Variants in TSC22D1 observed in about 807,000 individuals in gnomAD.
TSC22D1 encodes TSC22 domain family protein 1.
In TSC22D1, 9 loss-of-function variants were observed where a neutral mutation model predicts 74.2. That is an observed-to-expected ratio of 0.12 (90% CI 0.07 to 0.21). TSC22D1 has a LOEUF of 0.21. Ranked by LOEUF, TSC22D1 falls within the 10% of genes least tolerant of loss-of-function variation. The pLI, the probability that TSC22D1 is intolerant of heterozygous loss-of-function variation, is 1.00. For synonymous variants in TSC22D1, 586 were observed against 492.5 expected (o/e 1.19, Z -2.51); for missense variants, 1,427 against 1,304.7 (o/e 1.09, Z -1.44).
At chr13:44,445,328 C>CAAAA (rs34720179) in intron 1 of TSC22D1, among the ~76,000 whole-genome samples, 4 of 141,758 alleles carry the variant, frequency 2.8e-5, no homozygotes, top group Non-Finnish European at 4.6e-5. Flanking sequence ...GGAACAACTG[C>CAAAA]AAAAAAAAAA....
In TSC22D1 at chr13:44,439,443, G is replaced by A. The variant is rs546127030; in HGVS notation, c.2913-3348C>T. On this transcript the variant is annotated intron_variant, in intron 1 of 2. Coordinates refer to ENST00000458659, the MANE Select transcript of TSC22D1 (RefSeq NM_183422.4). ...AAGGAAATGGAAAGCTCCATGGAGGGAAAACCCTTGGATCAGAAATGTCCG... is the reference window on the plus strand; with the variant it reads ...AAGGAAATGGAAAGCTCCATGGAGGAAAAACCCTTGGATCAGAAATGTCCG... 2.3e-4 allele frequency among the ~76,000 whole-genome samples: 35 copies of A among 152,358 alleles called. 1 individual carries two copies. In the South Asian group the frequency reaches 2.5e-3, roughly 11 times the overall value.
chr13:44,561,663 T>G (rs1048513540), intron 1 of TSC22D1, among the ~76,000 whole-genome samples: 1 of 152,172 alleles, frequency 6.6e-6, no homozygotes, highest in African/African-American at 2.4e-5. Flanking sequence ...CTCCCAATAC[T>G]CCTTTATTAG....
intron 1 of TSC22D1, among the ~76,000 whole-genome samples, chr13:44,469,733 T>C (rs578261000): frequency 6.6e-5 from 10 of 152,310 alleles, no homozygotes; most frequent in Non-Finnish European, 1.3e-4. Flanking sequence ...AAGTACAAGC[T>C]AGTGAAATTT....
intron 1 of TSC22D1, among the ~76,000 whole-genome samples, chr13:44,560,101 A>G (rs1882941546): frequency 1.3e-5 from 2 of 152,160 alleles, no homozygotes; most frequent in Admixed American, 1.3e-4. Flanking sequence ...ATACAATGAG[A>G]AAAGTCAGTT....
At chr13:44,529,475 G>A (rs760021967) in intron 1 of TSC22D1, among the ~76,000 whole-genome samples, 35 of 152,048 alleles carry the variant, frequency 2.3e-4, no homozygotes, top group Non-Finnish European at 4.0e-4. Flanking sequence ...CTCACTTACT[G>A]TTGAGAAATG....
intron 1 of TSC22D1, among the ~76,000 whole-genome samples, chr13:44,479,316 T>C (rs1878069262): frequency 6.9e-6 from 1 of 144,052 alleles, no homozygotes; most frequent in Non-Finnish European, 1.5e-5. Context: ...ATGAGATCTT[T>C]CTGTGATTTT....
chr13:44,551,387 T>TGGGTGGGTGTGTGG (rs1555272485), intron 1 of TSC22D1, among the ~76,000 whole-genome samples: 12 of 85,248 alleles, frequency 1.4e-4, no homozygotes, highest in Non-Finnish European at 2.6e-4. Context: ...CCCAATCAGA[T>TGGGTGGGTGTGTGG]GGGTGTGTGT....
intron 1 of TSC22D1, among the ~76,000 whole-genome samples, chr13:44,545,669 G>GAA (rs1566165456): frequency 6.6e-6 from 1 of 151,342 alleles, no homozygotes; most frequent in Non-Finnish European, 1.5e-5. Flanking sequence ...AGTGCACTTA[G>GAA]AAAACTCAGA....
intron 1 of TSC22D1, among the ~76,000 whole-genome samples, chr13:44,509,950 C>CAAAAAAAAAAAAAAAAAAAAAACAAAAA: frequency 5.8e-5 from 3 of 51,424 alleles, no homozygotes; most frequent in Non-Finnish European, 1.1e-4. Flanking sequence ...AGAAAATAAG[C>CAAAAAAAAAAAAAAAAAAAAAACAAAAA]AAAAAAAAAA....
chr13:44,442,347 G>C (rs1484005132), intron 1 of TSC22D1, among the ~76,000 whole-genome samples: 1 of 152,146 alleles, frequency 6.6e-6, no homozygotes. Flanking sequence ...AAATGACCCA[G>C]ATATGACAAA....
Position 44,433,113 on chromosome 13 carries a change from G to A in TSC22D1, c.*1513C>T, listed in dbSNP as rs777781929. ...GTGGAAATCAGCTTCTCCAACTTCC[G>A]TCTTTTGATCCTAGATCTGCTTATT... On this transcript the variant is annotated 3_prime_UTR_variant, in exon 3 of 3. Transcript: ENST00000458659. 2.0e-5 allele frequency: 3 copies of A among 152,130 alleles called. No individual in the cohort carries two copies. The highest frequency in any genetic ancestry group is 2.9e-5 in the Non-Finnish European group (2 of 68,028). 9.4% of individuals were successfully genotyped at this position (152,130 alleles called of 1,614,324 possible).
Position 44,434,454 on chromosome 13 carries a change from C to T in TSC22D1, c.*172G>A. On this transcript the variant is annotated 3_prime_UTR_variant, in exon 3 of 3. Coordinates refer to ENST00000458659, the MANE Select transcript of TSC22D1 (RefSeq NM_183422.4). Reference sequence around the variant, plus strand: ...ACCCAACTAAGAAATTTCTCCAAGCCATAAGCATATGAGTGTTTAATACTG... The same window carrying T: ...ACCCAACTAAGAAATTTCTCCAAGCTATAAGCATATGAGTGTTTAATACTG... 1 of 1,364,578 alleles carries T rather than the reference C, an allele frequency of 7.3e-7. No homozygotes were observed. Among genetic ancestry groups the T allele is most frequent in the Non-Finnish European group, 9.4e-7 (1 of 1,066,476 alleles). 84.5% of individuals were successfully genotyped at this position (1,364,578 alleles called of 1,614,324 possible).
At chr13:44,448,892 CGTGTGT>C (rs4053650) in intron 1 of TSC22D1, among the ~76,000 whole-genome samples, 15 of 150,180 alleles carry the variant, frequency 1.0e-4, no homozygotes, top group Non-Finnish European at 1.3e-4. Flanking sequence ...ATTCTAGATC[CGTGTGT>C]GTGTGTGTGT....
At position 44,436,036 on chromosome 13, in the gene TSC22D1, G is replaced by T. The variant is rs754282290; in HGVS notation, c.2964+8C>A. On this transcript the variant is annotated splice_region_variant and intron_variant, in intron 2 of 2. Coordinates refer to ENST00000458659, the MANE Select transcript of TSC22D1 (RefSeq NM_183422.4). ...ATTTAGTATAAATGATTTTTCATCA[G>T]TACATACCATAGCTTGCTCGATTTT... is the stretch of plus-strand genomic sequence containing the variant. 7 of 1,613,106 alleles carry T rather than the reference G, an allele frequency of 4.3e-6. No homozygotes were observed. Among genetic ancestry groups the T allele is most frequent in the African/African-American group, 1.3e-5 (1 of 74,890 alleles).
intron 1 of TSC22D1, among the ~76,000 whole-genome samples, chr13:44,552,264 T>A (rs1009612256): frequency 6.6e-6 from 1 of 152,220 alleles, no homozygotes; most frequent in African/African-American, 2.4e-5. Flanking sequence ...CTGATAAGCA[T>A]AACCTAGGAA....
intron 1 of TSC22D1, among the ~76,000 whole-genome samples, chr13:44,534,266 G>A (rs544311184): frequency 4.8e-5 from 7 of 147,172 alleles, no homozygotes; most frequent in African/African-American, 1.3e-4. Flanking sequence ...GGCAGTGCAC[G>A]CCTGTAGCAG....
In TSC22D1 at chr13:44,575,467, T is replaced by C; in HGVS notation, c.608A>G (p.His203Arg). 1 of 1,613,874 alleles carries C rather than the reference T, an allele frequency of 6.2e-7. No individual in the cohort carries two copies. The highest frequency in any genetic ancestry group is 8.5e-7 in the Non-Finnish European group (1 of 1,179,972). The change falls in exon 1 of 3, where the codon CAC (histidine) becomes CGC (arginine). Residue 203 changes from histidine (H) to arginine (R), a missense_variant. Around this residue, in one of 3 missense-constraint regions of TSC22D1, gnomAD observed 1,343 missense variants for 1,191.5 expected, o/e 1.13. Transcript: ENST00000458659. ...GATCACAACATTCTGTTGTGGAAGG[T>C]GAGGCAAATGAGGCTGAGGAAGGTG... ...QPHLPQPHLP[H>R]LPQQNVVING...
At position 44,528,749 on chromosome 13, in the gene TSC22D1, A is replaced by AG. The variant is rs1220202026; in HGVS notation, c.2912+44413dup. On this transcript the variant is annotated intron_variant, in intron 1 of 2. Transcript: ENST00000458659. ...TTTGATCAATAAAACTGATAAACTTAGGGCCAGGCTAGCCAATAAAAGACA... is the reference window on the plus strand; with the variant it reads ...TTTGATCAATAAAACTGATAAACTTAGGGGCCAGGCTAGCCAATAAAAGACA... Among the ~76,000 whole-genome samples, 3 of 152,140 alleles carry AG rather than the reference A, an allele frequency of 2.0e-5. No homozygotes were observed. The East Asian group carries it at 5.8e-4, about 29-fold the overall frequency.
chr13:44,551,081 C>G (rs1313354111), intron 1 of TSC22D1, among the ~76,000 whole-genome samples: 1 of 151,916 alleles, frequency 6.6e-6, no homozygotes, highest in East Asian at 1.9e-4. Flanking sequence ...GTACTCCAGC[C>G]TGGGCAACAG....
Sources: allele counts gnomAD v4.1 joint callset (sites outside exome capture counted in the v4.1 genomes callset), GRCh38; gene constraint gnomAD v4.1.1; regional missense constraint gnomAD v4.1.1; transcripts MANE v1.5; gene names NCBI Gene and HGNC (gene_info 2026-07-23, HGNC 2026-07-21).